Variants in IMPG1 observed in about 807,000 individuals in gnomAD.
IMPG1 encodes interphotoreceptor matrix proteoglycan of 150 kDa.
IMPG1 carries 85 observed loss-of-function variants against 92.0 expected under a neutral mutation model. The ratio of observed to expected loss-of-function variants is 0.92; its 90% confidence interval spans 0.78 to 1.11. The LOEUF (loss-of-function observed/expected upper bound fraction) is 1.11, where lower values mean the gene tolerates loss of function less well. Among genes scored for constraint, IMPG1 ranks in the 50% least tolerant of loss-of-function variants. IMPG1 has a pLI of 0.00. For synonymous variants in IMPG1, 367 were observed against 334.1 expected, an observed-to-expected ratio of 1.10 and a Z score of -1.08; for missense variants, 1,022 against 956.0, an observed-to-expected ratio of 1.07 and a Z score of -0.91.
chr6:76,013,413 C>T (rs945798451), intron 7 of IMPG1, among the ~76,000 whole-genome samples: 1 of 152,086 alleles, frequency 6.6e-6, no homozygotes, highest in African/African-American at 2.4e-5. Flanking sequence ...ATTATTTTCT[C>T]TTCAATTTTT....
chr6:76,018,574 C>T, intron 7 of IMPG1, 144 bp downstream of exon 7: 3 of 643,906 alleles, frequency 4.7e-6, no homozygotes, highest in Non-Finnish European at 7.7e-6. Context: ...TGTTAGGGCC[C>T]ATTGTAATTT....
At chr6:76,071,225 C>A in intron 1 of IMPG1, among the ~76,000 whole-genome samples, 1 of 148,126 alleles carries the variant, frequency 6.8e-6, no homozygotes. Context: ...AGCTGATATG[C>A]AATATATGAA....
intron 1 of IMPG1, among the ~76,000 whole-genome samples, chr6:76,054,463 C>T (rs1039334337): frequency 2.0e-5 from 3 of 152,062 alleles, no homozygotes; most frequent in African/African-American, 7.2e-5. Context: ...CAGTGATTGT[C>T]AGACTACATT....
intron 4 of IMPG1, 27 bp downstream of exon 4, chr6:76,034,288 C>A: frequency 6.2e-7 from 1 of 1,607,688 alleles, no homozygotes; most frequent in South Asian, 1.1e-5. Context: ...AAAGCACACA[C>A]ACACACACTC....
chr6:76,024,364 AAT>A (rs1783485734), intron 5 of IMPG1, among the ~76,000 whole-genome samples: 1 of 150,430 alleles, frequency 6.6e-6, no homozygotes, highest in African/African-American at 2.4e-5. Context: ...TTGCCCAGAG[AAT>A]AGTTTTATTG....
At chr6:76,040,559 C>T (rs989956699) in intron 2 of IMPG1, among the ~76,000 whole-genome samples, 6 of 152,182 alleles carry the variant, frequency 3.9e-5, no homozygotes. Context: ...CAAGCATTGG[C>T]TAGTACCTGC....
At chr6:75,931,522 TG>T (rs1360278388) in intron 14 of IMPG1, among the ~76,000 whole-genome samples, 1 of 152,066 alleles carries the variant, frequency 6.6e-6, no homozygotes, top group Non-Finnish European at 1.5e-5. Flanking sequence ...GCATCTGGTC[TG>T]GGGAGCACAT....
At chr6:75,990,082 T>C (rs1273573027) in intron 12 of IMPG1, among the ~76,000 whole-genome samples, 1 of 152,090 alleles carries the variant, frequency 6.6e-6, no homozygotes, top group Non-Finnish European at 1.5e-5. Context: ...CAAAAACAAA[T>C]AGATGTATTC....
intron 13 of IMPG1, among the ~76,000 whole-genome samples, chr6:75,949,150 C>A (rs1781983735): frequency 6.6e-6 from 1 of 152,178 alleles, no homozygotes; most frequent in African/African-American, 2.4e-5. Context: ...GCAGGTGAAC[C>A]AGCACAACTC....
At chr6:75,932,776 C>T (rs951756897) in intron 14 of IMPG1, among the ~76,000 whole-genome samples, 5 of 152,064 alleles carry the variant, frequency 3.3e-5, no homozygotes, top group Non-Finnish European at 7.4e-5. Context: ...TCTCAACTCA[C>T]TGTAACCTCC....
chr6:76,028,498 C>G (rs1783592035), intron 4 of IMPG1, among the ~76,000 whole-genome samples: 1 of 152,178 alleles, frequency 6.6e-6, no homozygotes, highest in South Asian at 2.1e-4. Flanking sequence ...TTTTATTTTT[C>G]AGAGTCAAGG....
rs1252016604 is a variant in IMPG1, at chr6:76,042,129, G to T, written c.68-3C>A. The T allele has an allele frequency of 9.3e-6, 13 of 1,392,264 alleles. No individual in the cohort carries two copies. Among genetic ancestry groups the T allele is most frequent in the Non-Finnish European group, 1.3e-5 (13 of 978,360 alleles). The allele number at this position is 1,392,264 out of a possible 1,614,324, so 86.2% of individuals were successfully genotyped here. ...ATGGTATATGTTAATGGAGATATCT[G>T]TAAAAGAAAGATTGATATCCTGGTG... On this transcript the variant is annotated splice_region_variant and splice_polypyrimidine_tract_variant and intron_variant, in intron 1 of 16. Transcript: ENST00000369950.
At chr6:76,031,547 G>A (rs1398784139) in intron 4 of IMPG1, among the ~76,000 whole-genome samples, 1 of 152,118 alleles carries the variant, frequency 6.6e-6, no homozygotes, top group East Asian at 1.9e-4. Flanking sequence ...CTGCTATAGT[G>A]GAATTTGAAA....
At chr6:75,924,820 TATTTGCCACAAC>T (rs1781525120) in intron 15 of IMPG1, among the ~76,000 whole-genome samples, 2 of 125,138 alleles carry the variant, frequency 1.6e-5, no homozygotes, top group Admixed American at 2.0e-4. Flanking sequence ...GAAATCCTGT[TATTTGCCACAAC>T]ATGGATGAAC....
At chr6:76,026,772 T>C (rs1783546067) in intron 4 of IMPG1, among the ~76,000 whole-genome samples, 1 of 152,160 alleles carries the variant, frequency 6.6e-6, no homozygotes, top group African/African-American at 2.4e-5. Context: ...TTTTTCCCCT[T>C]TAGCAGGCCA....
chr6:75,977,130 T>C (rs1221109190), intron 12 of IMPG1, among the ~76,000 whole-genome samples: 5 of 152,142 alleles, frequency 3.3e-5, no homozygotes, highest in African/African-American at 1.2e-4. Context: ...ATACAATAAA[T>C]AATAGCTAGG....
intron 1 of IMPG1, among the ~76,000 whole-genome samples, chr6:76,063,882 G>A (rs771990450): frequency 2.2e-4 from 34 of 152,204 alleles, no homozygotes; most frequent in Non-Finnish European, 4.0e-4. Flanking sequence ...AACCCAGAGT[G>A]TGTGCTTTCT....
At chr6:76,055,657 G>A (rs1784108671) in intron 1 of IMPG1, among the ~76,000 whole-genome samples, 1 of 151,720 alleles carries the variant, frequency 6.6e-6, no homozygotes, top group Admixed American at 6.6e-5. Flanking sequence ...TAAACAAACA[G>A]ATGAGATTGA....
At chr6:76,020,245 G>T (rs541941623) in intron 6 of IMPG1, among the ~76,000 whole-genome samples, 10 of 152,076 alleles carry the variant, frequency 6.6e-5, no homozygotes, top group Admixed American at 3.3e-4. Flanking sequence ...TGAAGATGGG[G>T]TCTCCCAGTC....
Sources: gnomAD v4.1 joint callset for allele counts (sites outside exome capture counted in the v4.1 genomes callset) on GRCh38, gnomAD v4.1.1 for gene constraint, MANE v1.5 for transcripts, NCBI Gene and HGNC (gene_info 2026-07-23, HGNC 2026-07-21) for gene names.